SLC38A12: variants seen among roughly 807,000 people sequenced by gnomAD.
The protein encoded by SLC38A12 is putative sodium-coupled neutral amino acid transporter 12.
At chr17:74,806,425 G>C in the SLC38A12 span, among the ~76,000 whole-genome samples, 742 of 152,208 alleles carry the variant, frequency 4.9e-3, 4 homozygotes, top group African/African-American at 0.017. Context: ...TTGACATCCA[G>C]CATAAATACT....
chr17:74,780,540 C>A, the SLC38A12 span, among the ~76,000 whole-genome samples: 1 of 152,234 alleles, frequency 6.6e-6, no homozygotes, highest in Non-Finnish European at 1.5e-5. Flanking sequence ...GCCCACAGAA[C>A]TGTCCCACGA....
At chr17:74,797,313 A>G in the SLC38A12 span, among the ~76,000 whole-genome samples, 97 of 152,330 alleles carry the variant, frequency 6.4e-4, no homozygotes, top group East Asian at 0.018. Context: ...AGGAAAGCAG[A>G]CGGGCATTAA....
chr17:74,792,249 G>A, the SLC38A12 span, among the ~76,000 whole-genome samples: 3 of 152,194 alleles, frequency 2.0e-5, no homozygotes, highest in African/African-American at 7.2e-5. Flanking sequence ...CCAGGAGTTG[G>A]AGACCAGCCT....
the SLC38A12 span, chr17:74,777,280 C>G: frequency 1.2e-6 from 2 of 1,610,386 alleles, no homozygotes; most frequent in Non-Finnish European, 1.7e-6. Context: ...CGGCAGCCGC[C>G]GTCCTTGCAC....
chr17:74,839,550 G>A, the SLC38A12 span: 1 of 167,912 alleles, frequency 6.0e-6, no homozygotes, highest in Non-Finnish European at 1.3e-5. Context: ...TCCGCTGAGG[G>A]TCATTATGTG....
chr17:74,781,682 C>T, the SLC38A12 span, among the ~76,000 whole-genome samples: 3 of 152,330 alleles, frequency 2.0e-5, no homozygotes, highest in South Asian at 6.2e-4. Flanking sequence ...ATAAGTATTA[C>T]TGCCTACAGA....
chr17:74,821,431 G>A, the SLC38A12 span, among the ~76,000 whole-genome samples: 19 of 152,194 alleles, frequency 1.2e-4, no homozygotes, highest in African/African-American at 4.3e-4. Context: ...CAAAGCCCCA[G>A]GTTAAATTAA....
chr17:74,832,486 G>A, the SLC38A12 span, among the ~76,000 whole-genome samples: 2 of 152,232 alleles, frequency 1.3e-5, no homozygotes, highest in African/African-American at 2.4e-5. Flanking sequence ...TTTTGGGGGC[G>A]TGGCTCTTCT....
chr17:74,806,022 A>G, the SLC38A12 span, among the ~76,000 whole-genome samples: 1 of 152,214 alleles, frequency 6.6e-6, no homozygotes, highest in Non-Finnish European at 1.5e-5. Context: ...TCCGAGGCCC[A>G]TGGGCACACA....
At chr17:74,839,336 G>A in the SLC38A12 span, 1 of 672,032 alleles carries the variant, frequency 1.5e-6, no homozygotes, top group African/African-American at 1.8e-5. Context: ...GGGAGGACAG[G>A]GGCTGCTGCC....
the SLC38A12 span, chr17:74,791,122 C>T: frequency 7.5e-6 from 9 of 1,201,772 alleles, no homozygotes; most frequent in East Asian, 9.9e-5. Flanking sequence ...GAGGGCTCCA[C>T]CCTGACAGCC....
At chr17:74,785,488 C>T in the SLC38A12 span, 2 of 1,610,194 alleles carry the variant, frequency 1.2e-6, no homozygotes, top group Admixed American at 1.7e-5. Flanking sequence ...CCAGGTTGGG[C>T]TGGTGTACAT....
the SLC38A12 span, among the ~76,000 whole-genome samples, chr17:74,789,616 T>TGGGTGGATC: frequency 2.7e-5 from 4 of 149,174 alleles, no homozygotes; most frequent in Admixed American, 6.7e-5. Flanking sequence ...GAGGCCGAGG[T>TGGGTGGATC]GGGTGGATCA....
the SLC38A12 span, among the ~76,000 whole-genome samples, chr17:74,812,595 T>G: frequency 5.3e-5 from 8 of 151,544 alleles, no homozygotes; most frequent in Non-Finnish European, 1.2e-4. Flanking sequence ...ATCCTTTCTT[T>G]TATCGCTTGA....
the SLC38A12 span, among the ~76,000 whole-genome samples, chr17:74,781,861 G>A: frequency 3.3e-5 from 5 of 152,114 alleles, no homozygotes; most frequent in Non-Finnish European, 5.9e-5. Flanking sequence ...ACCCCTGCCC[G>A]GCTTGCTGTG....
the SLC38A12 span, among the ~76,000 whole-genome samples, chr17:74,834,327 C>T: frequency 2.5e-4 from 38 of 152,186 alleles, no homozygotes; most frequent in Non-Finnish European, 2.8e-4. Flanking sequence ...AGTCCCCAGG[C>T]CCTCAGAGTC....
the SLC38A12 span, among the ~76,000 whole-genome samples, chr17:74,827,190 A>G: frequency 6.6e-6 from 1 of 152,124 alleles, no homozygotes; most frequent in Admixed American, 6.5e-5. This position sits in a 1 kb window ranked among gnomAD's most constrained non-coding sequence, Gnocchi z 4.7. Context: ...GGTTTCTGCA[A>G]TGATAGAAGG....
chr17:74,838,539 G>A, the SLC38A12 span: 1 of 1,122,084 alleles, frequency 8.9e-7, no homozygotes. Context: ...GTGACAGTCT[G>A]GAACCGCCCA....
At chr17:74,804,520 G>A in the SLC38A12 span, among the ~76,000 whole-genome samples, 5 of 152,332 alleles carry the variant, frequency 3.3e-5, no homozygotes, top group South Asian at 1.0e-3. Flanking sequence ...TGATGATATC[G>A]GATGAATTAG....
Sources: gnomAD v4.1 joint callset for allele counts (sites outside exome capture counted in the v4.1 genomes callset) on GRCh38, gnomAD v4.1.1 for gene constraint, Gnocchi (gnomAD v3.1) non-coding constraint, MANE v1.5 for transcripts, NCBI Gene and HGNC (gene_info 2026-07-23, HGNC 2026-07-21) for gene names.